FSIP1: variants seen among roughly 807,000 people sequenced by gnomAD.
FSIP1 encodes the protein fibrous sheath-interacting protein 1.
A neutral mutation model predicts 60.9 loss-of-function variants in FSIP1; 65 were observed. The observed-to-expected ratio is 1.07, with a 90% CI of 0.87 to 1.31. The LOEUF (loss-of-function observed/expected upper bound fraction) is 1.31, where lower values mean the gene tolerates loss of function less well. Ranked by LOEUF, FSIP1 falls within the 40% of genes most tolerant of loss-of-function variation. The pLI, the probability that FSIP1 is intolerant of heterozygous loss-of-function variation, is 0.00. For synonymous variants in FSIP1, 209 were observed against 221.2 expected (o/e 0.94, Z 0.49); for missense variants, 675 against 665.5 (o/e 1.01, Z -0.16).
At chr15:39,773,450 G>A (rs1252577223) in intron 2 of FSIP1, among the ~76,000 whole-genome samples, 1 of 152,158 alleles carries the variant, frequency 6.6e-6, no homozygotes, top group African/African-American at 2.4e-5. Flanking sequence ...AGCTTAGTAG[G>A]TTCAAATAAA....
intron 8 of FSIP1, among the ~76,000 whole-genome samples, chr15:39,737,251 C>T (rs768606997): frequency 2.6e-5 from 4 of 152,124 alleles, no homozygotes; most frequent in South Asian, 4.1e-4. Flanking sequence ...TAAATACCTG[C>T]GTTTGCCCCA....
intron 5 of FSIP1, among the ~76,000 whole-genome samples, chr15:39,760,372 GA>G (rs535953015): frequency 5.9e-5 from 9 of 151,846 alleles, no homozygotes; most frequent in African/African-American, 2.2e-4. Flanking sequence ...AATTGTAAAA[GA>G]AAAAAATAGT....
At chr15:39,679,410 T>C (rs1894072406) in intron 10 of FSIP1, among the ~76,000 whole-genome samples, 1 of 152,152 alleles carries the variant, frequency 6.6e-6, no homozygotes, top group Non-Finnish European at 1.5e-5. Context: ...CAGCTACTAT[T>C]CAGCCGAGAC....
intron 3 of FSIP1, among the ~76,000 whole-genome samples, chr15:39,769,064 G>A (rs1031548274): frequency 9.2e-5 from 14 of 152,102 alleles, no homozygotes; most frequent in African/African-American, 3.4e-4. Context: ...CAGATCACGA[G>A]GTCAGGAGAT....
chr15:39,769,591 C>G (rs187669133), intron 3 of FSIP1, among the ~76,000 whole-genome samples: 20 of 152,190 alleles, frequency 1.3e-4, no homozygotes, highest in African/African-American at 4.8e-4. Flanking sequence ...CCTCAAACTT[C>G]GGTACACAGC....
At chr15:39,671,990 A>G (rs1040023803) in intron 10 of FSIP1, among the ~76,000 whole-genome samples, 15 of 152,234 alleles carry the variant, frequency 9.9e-5, no homozygotes, top group African/African-American at 3.4e-4. Context: ...GTCTCACCAG[A>G]TACAGGTTCC....
At chr15:39,739,407 TA>T (rs1259441028) in intron 7 of FSIP1, among the ~76,000 whole-genome samples, 1 of 152,248 alleles carries the variant, frequency 6.6e-6, no homozygotes, top group African/African-American at 2.4e-5. Context: ...GGAAACAGAC[TA>T]TTTCTGGATA....
intron 10 of FSIP1, among the ~76,000 whole-genome samples, chr15:39,698,953 A>G (rs1385374956): frequency 6.6e-6 from 1 of 152,302 alleles, no homozygotes; most frequent in Non-Finnish European, 1.5e-5. Context: ...AGGTAAACAG[A>G]TAAGAGGTGA....
chr15:39,671,613 A>G (rs1417845720), intron 10 of FSIP1, among the ~76,000 whole-genome samples: 1 of 152,210 alleles, frequency 6.6e-6, no homozygotes, highest in Non-Finnish European at 1.5e-5. Flanking sequence ...CCCAAGGTTC[A>G]ACAGAGATCT....
intron 5 of FSIP1, among the ~76,000 whole-genome samples, chr15:39,760,459 A>G (rs1189622257): frequency 6.6e-6 from 1 of 152,234 alleles, no homozygotes; most frequent in Non-Finnish European, 1.5e-5. Context: ...ATAATAATAT[A>G]TAACAGCATT....
intron 10 of FSIP1, among the ~76,000 whole-genome samples, chr15:39,646,759 GT>G (rs1381089658): frequency 6.6e-6 from 1 of 151,198 alleles, no homozygotes; most frequent in Admixed American, 6.6e-5. Flanking sequence ...CTTCATAAAG[GT>G]ATCCACATTT....
chr15:39,718,460 T>C (rs527506162), intron 9 of FSIP1, among the ~76,000 whole-genome samples: 4 of 150,898 alleles, frequency 2.7e-5, no homozygotes, highest in African/African-American at 7.3e-5. Context: ...TTTCCTACAA[T>C]AAACATGTTA....
At chr15:39,722,584 T>C (rs1168411701) in intron 9 of FSIP1, among the ~76,000 whole-genome samples, 1 of 151,982 alleles carries the variant, frequency 6.6e-6, no homozygotes. Context: ...TGCCCCTCAC[T>C]TATGGAAATA....
chr15:39,703,167 C>T (rs1487158014), intron 10 of FSIP1, among the ~76,000 whole-genome samples: 1 of 151,844 alleles, frequency 6.6e-6, no homozygotes, highest in Non-Finnish European at 1.5e-5. Context: ...TTTTTAGTAG[C>T]GATGAGGTTT....
At chr15:39,607,438 C>A (rs769308054) in intron 11 of FSIP1, among the ~76,000 whole-genome samples, 56 of 152,172 alleles carry the variant, frequency 3.7e-4, no homozygotes, top group Admixed American at 7.9e-4. Context: ...CGGTTCTGAC[C>A]TGGGTGGGGA....
At chr15:39,714,698 G>A (rs1175120660) in intron 9 of FSIP1, among the ~76,000 whole-genome samples, 1 of 151,716 alleles carries the variant, frequency 6.6e-6, no homozygotes, top group South Asian at 2.1e-4. Flanking sequence ...GACAGGCCTG[G>A]TGGCTCATAC....
At chr15:39,630,775 C>G (rs4319740) in intron 10 of FSIP1, among the ~76,000 whole-genome samples, 60,029 of 151,974 alleles carry the variant, frequency 0.39, 14,220 homozygotes, top group African/African-American at 0.68. Flanking sequence ...CAGATGCTTA[C>G]AAGAGTTAGT....
At chr15:39,692,000 A>T (rs1304161094) in intron 10 of FSIP1, among the ~76,000 whole-genome samples, 1 of 152,266 alleles carries the variant, frequency 6.6e-6, no homozygotes, top group Non-Finnish European at 1.5e-5. Context: ...AAAATTTTAC[A>T]GAATGCCCGC....
At chr15:39,749,554 T>G (rs566420641) in intron 5 of FSIP1, among the ~76,000 whole-genome samples, 2 of 152,030 alleles carry the variant, frequency 1.3e-5, no homozygotes, top group Admixed American at 6.6e-5. Context: ...CATTAACAGA[T>G]TGAAAGACAA....
Sources: allele counts gnomAD v4.1 joint callset (sites outside exome capture counted in the v4.1 genomes callset), GRCh38; gene constraint gnomAD v4.1.1; transcripts MANE v1.5; gene names NCBI Gene and HGNC (gene_info 2026-07-23, HGNC 2026-07-21).